Variants in FRAS1 observed in about 807,000 individuals in gnomAD.
FRAS1 encodes the protein extracellular matrix organizing protein FRAS1.
Under a neutral mutation model 435.2 loss-of-function variants are expected in FRAS1, and 290 were observed. The observed-to-expected ratio is 0.67, with a 90% CI of 0.61 to 0.73. The LOEUF (loss-of-function observed/expected upper bound fraction) is 0.73, where lower values mean the gene tolerates loss of function less well. Ranked by LOEUF, FRAS1 falls within the 30% of genes least tolerant of loss-of-function variation. FRAS1 has a pLI of 0.00. For missense variants in FRAS1, 4,860 were observed against 5,001.5 expected, an observed-to-expected ratio of 0.97 and a Z score of 0.85; for synonymous variants, 1,800 against 1,851.0, an observed-to-expected ratio of 0.97 and a Z score of 0.71.
chr4:78,151,247 T>C (rs1441832563), intron 2 of FRAS1, among the ~76,000 whole-genome samples: 2 of 152,198 alleles, frequency 1.3e-5, no homozygotes, highest in Non-Finnish European at 2.9e-5. Flanking sequence ...GCTTTTTTTT[T>C]ACACCTCAGT....
chr4:78,171,650 C>T (rs1721566031), intron 2 of FRAS1, among the ~76,000 whole-genome samples: 1 of 152,146 alleles, frequency 6.6e-6, no homozygotes, highest in Admixed American at 6.5e-5. Context: ...CGCCACCATC[C>T]TCAGGTTCTT....
At position 78,278,698 on chromosome 4, in the gene FRAS1, G is replaced by T. The variant is rs1355762107; in HGVS notation, c.1025G>T (p.Cys342Phe). The T allele has an allele frequency of 6.2e-7, 1 of 1,607,852 alleles. No individual in the cohort carries two copies. Among genetic ancestry groups the T allele is most frequent in the Non-Finnish European group, 8.5e-7 (1 of 1,174,902 alleles). ...TTAGATGGAAAGTGTTGTCCTGAAT[G>T]CATTTCAAGGAATGGTTATTGTGTT... ...IHLDGKCCPE[C>F]ISRNGYCVYE... Residue 342 changes from cysteine to phenylalanine, a missense_variant, in exon 10 of 74, where the codon TGC becomes TTC. Coordinates refer to ENST00000512123, the MANE Select transcript of FRAS1 (RefSeq NM_025074.7).
chr4:78,176,041 A>G lies in FRAS1; in HGVS notation c.109-61469A>G, dbSNP rs183892249. Among the ~76,000 whole-genome samples, 3 of 152,334 alleles carry G rather than the reference A, an allele frequency of 2.0e-5. No individual in the cohort carries two copies. The East Asian group carries it at 5.8e-4, about 29-fold the overall frequency. ...CAGACATTAGTGAATTGAATGTCAA[A>G]TACTACTTTGACTATCAGGGGAATT... On this transcript the variant is annotated intron_variant, in intron 2 of 73. Transcript: ENST00000512123.
intron 70 of FRAS1, among the ~76,000 whole-genome samples, chr4:78,526,954 C>G (rs546202382): frequency 6.6e-6 from 1 of 152,214 alleles, no homozygotes; most frequent in East Asian, 1.9e-4. Flanking sequence ...GATGATTTCT[C>G]CATTTAGAAT....
intron 2 of FRAS1, among the ~76,000 whole-genome samples, chr4:78,215,980 A>G (rs1723753087): frequency 6.6e-6 from 1 of 152,072 alleles, no homozygotes; most frequent in Non-Finnish European, 1.5e-5. Context: ...GCTTCTTCTT[A>G]TTTTTGGCAT....
intron 63 of FRAS1, among the ~76,000 whole-genome samples, chr4:78,509,659 C>T (rs1265123030): frequency 6.6e-6 from 1 of 152,162 alleles, no homozygotes; most frequent in Non-Finnish European, 1.5e-5. Context: ...AGACCAACAC[C>T]CCTGACACCA....
Position 78,255,272 on chromosome 4 carries a change from A to G in FRAS1, c.500A>G (p.Gln167Arg), listed in dbSNP as rs958714383. ...KPCSYEGHVF[Q>R]DGEDWRLSRC... Reference sequence around the variant, plus strand: ...TGTTCCTATGAAGGCCATGTGTTTCAGGATGGGGAGGACTGGCGGCTGAGC... The same window carrying G: ...TGTTCCTATGAAGGCCATGTGTTTCGGGATGGGGAGGACTGGCGGCTGAGC... Residue 167 changes from glutamine to arginine, a missense_variant, in exon 6 of 74, where the codon CAG (glutamine) becomes CGG (arginine). Transcript: ENST00000512123. The G allele has an allele frequency of 1.6e-5, 25 of 1,553,704 alleles. No homozygotes were observed. Among genetic ancestry groups the G allele is most frequent in the Non-Finnish European group, 2.1e-5 (24 of 1,147,922 alleles).
chr4:78,171,330 C>A (rs2110037231), intron 2 of FRAS1, among the ~76,000 whole-genome samples: 1 of 152,270 alleles, frequency 6.6e-6, no homozygotes, highest in South Asian at 2.1e-4. Flanking sequence ...GAGATTTGAA[C>A]CTGGGCCCTG....
At position 78,520,493 on chromosome 4, in the gene FRAS1, T is replaced by C. The variant is rs147839115; in HGVS notation, c.10540+1012T>C. 8.6e-4 allele frequency among the ~76,000 whole-genome samples: 131 copies of C among 152,312 alleles called. 1 individual carries two copies. In the Middle Eastern group the frequency reaches 0.024, roughly 28 times the overall value. The stretch of plus-strand genomic sequence containing the variant: ...ATCATTCATATCTATTAGTGTTTGG[T>C]TCCAGGACCTCCCACAGACACCAAG... On this transcript the variant is annotated intron_variant, in intron 67 of 73. Coordinates refer to ENST00000512123, the MANE Select transcript of FRAS1 (RefSeq NM_025074.7).
At chr4:78,357,956 A>G (rs905123873) in intron 20 of FRAS1, among the ~76,000 whole-genome samples, 1 of 152,080 alleles carries the variant, frequency 6.6e-6, no homozygotes, top group African/African-American at 2.4e-5. Context: ...TGGGTTCTAT[A>G]AGTATAGTGT....
At chr4:78,445,781 T>C (rs1472126755) in intron 42 of FRAS1, 69 bp downstream of exon 42, 2 of 1,520,244 alleles carry the variant, frequency 1.3e-6, no homozygotes, top group South Asian at 1.4e-5. Context: ...GAGAGCTTTC[T>C]TTATAGGGAC....
intron 2 of FRAS1, among the ~76,000 whole-genome samples, chr4:78,182,955 T>C (rs1021735802): frequency 6.9e-6 from 1 of 145,154 alleles, no homozygotes; most frequent in African/African-American, 2.6e-5. Flanking sequence ...AGCACAAAGA[T>C]GAGAATGGAT....
Position 78,267,199 on chromosome 4 carries a change from G to A in FRAS1, c.790-42G>A, listed in dbSNP as rs371154316. 2.9e-5 allele frequency: 46 copies of A among 1,588,492 alleles called. No homozygotes were observed. The Middle Eastern group carries it at 5.1e-4, about 18-fold the overall frequency. Reference sequence around the variant, plus strand: ...CCTCTGTTGGCTTGGGTGTTTCACCGTCTCCTGAGGACTGCCCCTCACCTT... The same window carrying A: ...CCTCTGTTGGCTTGGGTGTTTCACCATCTCCTGAGGACTGCCCCTCACCTT... On this transcript the variant is annotated intron_variant, in intron 8 of 73. Coordinates refer to ENST00000512123, the MANE Select transcript of FRAS1 (RefSeq NM_025074.7).
At chr4:78,474,263 T>G (rs1719797840) in intron 53 of FRAS1, among the ~76,000 whole-genome samples, 1 of 152,204 alleles carries the variant, frequency 6.6e-6, no homozygotes. Flanking sequence ...GAGATACTGA[T>G]TGTTAAAGGT....
At chr4:78,212,963 G>C (rs552403879) in intron 2 of FRAS1, among the ~76,000 whole-genome samples, 33 of 152,334 alleles carry the variant, frequency 2.2e-4, no homozygotes, top group Non-Finnish European at 1.9e-4. Context: ...CTCTGGAGTT[G>C]GGACGGTGAT....
intron 2 of FRAS1, among the ~76,000 whole-genome samples, chr4:78,099,250 T>C (rs1741983197): frequency 6.6e-6 from 1 of 152,174 alleles, no homozygotes; most frequent in South Asian, 2.1e-4. Context: ...CACACATGTG[T>C]GTGCAGTACT....
At position 78,539,399 on chromosome 4, in the gene FRAS1, G is replaced by T. The variant is rs1721981737; in HGVS notation, c.11404G>T (p.Gly3802Cys). Residue 3802 changes from glycine (G) to cysteine (C), a missense_variant, in exon 73 of 74, where the codon GGT (glycine) becomes TGT (cysteine). Physicochemically the swap from Gly to Cys is radical, Grantham distance 159. Coordinates refer to ENST00000512123, the MANE Select transcript of FRAS1 (RefSeq NM_025074.7). Reference protein sequence around the residue: ...PDFHVVSNMPGVDGFTLKVDA... With the variant: ...PDFHVVSNMPCVDGFTLKVDA... Reference sequence around the variant, plus strand: ...TTTCCATGTGGTCAGTAACATGCCAGGTGTGGATGGATTTACTCTAAAAGT... The same window carrying T: ...TTTCCATGTGGTCAGTAACATGCCATGTGTGGATGGATTTACTCTAAAAGT... The T allele has an allele frequency of 1.2e-6, 2 of 1,611,832 alleles. No homozygotes were observed. The highest frequency in any genetic ancestry group is 2.7e-5 in the African/African-American group (2 of 74,650).
chr4:78,400,711 T>G (rs1395928989), intron 29 of FRAS1, 23 bp from the exon 30 acceptor site: 2 of 1,607,518 alleles, frequency 1.2e-6, no homozygotes, highest in Admixed American at 1.7e-5. Context: ...TGGAACTAAT[T>G]CTGCATTTTA....
intron 2 of FRAS1, among the ~76,000 whole-genome samples, chr4:78,213,644 C>A (rs1245469130): frequency 6.6e-6 from 1 of 152,006 alleles, no homozygotes; most frequent in Admixed American, 6.5e-5. Context: ...AGAATATGGA[C>A]CCTTAAAGGG....
Sources: allele counts gnomAD v4.1 joint callset (sites outside exome capture counted in the v4.1 genomes callset), GRCh38; gene constraint gnomAD v4.1.1; transcripts MANE v1.5; gene names NCBI Gene and HGNC (gene_info 2026-07-23, HGNC 2026-07-21).